Variants in SV2C observed in about 807,000 individuals in gnomAD.
SV2C encodes synaptic vesicle glycoprotein 2C.
In SV2C, 49 loss-of-function variants were observed where a neutral mutation model predicts 79.7. That is an observed-to-expected ratio of 0.61 (90% CI 0.49 to 0.78). SV2C has a LOEUF of 0.78. SV2C is among the 30% of genes least tolerant of loss of function. The probability of loss-of-function intolerance (pLI) is 0.00; values close to 1 mark genes in which losing one functional copy is unlikely to be tolerated. For missense variants in SV2C, 833 were observed against 912.9 expected, an observed-to-expected ratio of 0.91 and a Z score of 1.13; for synonymous variants, 334 against 333.2, an observed-to-expected ratio of 1.00 and a Z score of -0.03.
the SV2C span, among the ~76,000 whole-genome samples, chr5:75,874,195 G>A: frequency 6.6e-6 from 1 of 152,124 alleles, no homozygotes; most frequent in African/African-American, 2.4e-5. Context: ...CCATCAAAAA[G>A]CTAATTCACT....
intron 1 of SV2C, among the ~76,000 whole-genome samples, chr5:76,131,344 G>T (rs1580291800): frequency 6.6e-6 from 1 of 152,218 alleles, no homozygotes; most frequent in East Asian, 1.9e-4. Flanking sequence ...TTTTAAAGAT[G>T]CAAGATGCTC....
chr5:76,305,079 T>A (rs1047456959), intron 12 of SV2C, among the ~76,000 whole-genome samples: 2 of 151,444 alleles, frequency 1.3e-5, no homozygotes, highest in East Asian at 1.9e-4. Flanking sequence ...CAAGGGGAGG[T>A]GCCACACACT....
At chr5:76,116,977 T>A (rs1009398434) in intron 1 of SV2C, among the ~76,000 whole-genome samples, 1 of 152,172 alleles carries the variant, frequency 6.6e-6, no homozygotes, top group Non-Finnish European at 1.5e-5. Context: ...GGTCCAGATC[T>A]ACAGAAGGAT....
chr5:75,887,259 T>C, the SV2C span, among the ~76,000 whole-genome samples: 1 of 151,998 alleles, frequency 6.6e-6, no homozygotes, highest in Non-Finnish European at 1.5e-5. Flanking sequence ...AAGCATACGA[T>C]ACATTGTTGT....
chr5:75,981,941 A>G, the SV2C span, among the ~76,000 whole-genome samples: 37 of 152,224 alleles, frequency 2.4e-4, no homozygotes, highest in Non-Finnish European at 4.7e-4. Context: ...AACCTACAGA[A>G]TGAGAGAAAA....
chr5:76,106,035 A>T (rs1428612736), intron 1 of SV2C, among the ~76,000 whole-genome samples: 4 of 151,986 alleles, frequency 2.6e-5, no homozygotes, highest in Non-Finnish European at 2.9e-5. Flanking sequence ...TCAGCTACAT[A>T]CTCAGCATCT....
chr5:75,965,360 T>C, the SV2C span, among the ~76,000 whole-genome samples: 3 of 152,150 alleles, frequency 2.0e-5, no homozygotes, highest in Non-Finnish European at 4.4e-5. Context: ...ACTGTCAAGG[T>C]GATGGTTTTG....
chr5:76,281,834 G>A (rs1747208091), intron 4 of SV2C, among the ~76,000 whole-genome samples: 1 of 152,008 alleles, frequency 6.6e-6, no homozygotes, highest in Non-Finnish European at 1.5e-5. Flanking sequence ...TTCCTTCTAG[G>A]GACATTTGTA....
At chr5:75,954,080 AT>A in the SV2C span, among the ~76,000 whole-genome samples, 9 of 152,072 alleles carry the variant, frequency 5.9e-5, no homozygotes, top group East Asian at 1.8e-3. Context: ...TGAGATGGTG[AT>A]TTGTCCTGGC....
chr5:75,891,468 A>T, the SV2C span, among the ~76,000 whole-genome samples: 9,815 of 152,184 alleles, frequency 0.064, 362 homozygotes, highest in Admixed American at 0.086. Context: ...GGTTTATCCA[A>T]GTACACTGAT....
the SV2C span, among the ~76,000 whole-genome samples, chr5:76,035,059 A>C: frequency 2.0e-5 from 3 of 151,908 alleles, no homozygotes; most frequent in Non-Finnish European, 4.4e-5. Context: ...GTATTCTCTG[A>C]TGGTAGTTTG....
chr5:76,046,696 A>G, the SV2C span, among the ~76,000 whole-genome samples: 14 of 151,084 alleles, frequency 9.3e-5, no homozygotes, highest in African/African-American at 3.4e-4. Flanking sequence ...TTTTTAAAAG[A>G]AAAAAAAAAT....
At chr5:76,245,405 C>A (rs1214722793) in intron 4 of SV2C, among the ~76,000 whole-genome samples, 1 of 152,136 alleles carries the variant, frequency 6.6e-6, no homozygotes. Context: ...GCAAAAGTCA[C>A]CAGTGGCAAA....
chr5:76,037,934 T>C, the SV2C span, among the ~76,000 whole-genome samples: 1 of 152,184 alleles, frequency 6.6e-6, no homozygotes, highest in East Asian at 1.9e-4. Flanking sequence ...GTGCCGGATA[T>C]AATTTCCTGG....
At chr5:76,172,084 C>T (rs1364603573) in intron 2 of SV2C, among the ~76,000 whole-genome samples, 1 of 54,772 alleles carries the variant, frequency 1.8e-5, no homozygotes, top group African/African-American at 9.6e-5. Flanking sequence ...CCCCTCTGCC[C>T]GGCCAGCCGC....
chr5:75,895,159 C>T, the SV2C span, among the ~76,000 whole-genome samples: 1 of 152,056 alleles, frequency 6.6e-6, no homozygotes, highest in African/African-American at 2.4e-5. Context: ...ACAGCAGCAA[C>T]AACAACAAAT....
At chr5:76,256,820 C>A (rs1033879322) in intron 4 of SV2C, among the ~76,000 whole-genome samples, 1 of 152,196 alleles carries the variant, frequency 6.6e-6, no homozygotes, top group African/African-American at 2.4e-5. Flanking sequence ...CAAACACTGT[C>A]TAGTTTACAT....
intron 4 of SV2C, among the ~76,000 whole-genome samples, chr5:76,211,150 C>T (rs956862013): frequency 6.6e-6 from 1 of 152,168 alleles, no homozygotes; most frequent in Non-Finnish European, 1.5e-5. Flanking sequence ...TCCACATCAG[C>T]CCCACCTCTT....
the SV2C span, among the ~76,000 whole-genome samples, chr5:75,859,715 G>A: frequency 2.6e-5 from 4 of 152,264 alleles, no homozygotes; most frequent in South Asian, 8.3e-4. Context: ...AAGCAGTGGA[G>A]TATAATCAAA....
Sources: allele counts gnomAD v4.1 joint callset (sites outside exome capture counted in the v4.1 genomes callset), GRCh38; gene constraint gnomAD v4.1.1; transcripts MANE v1.5; gene names NCBI Gene and HGNC (gene_info 2026-07-23, HGNC 2026-07-21).